Variants in ARID2 observed in about 807,000 individuals in gnomAD.
The protein encoded by ARID2 is AT-rich interaction domain 2.
A neutral mutation model predicts 184.6 loss-of-function variants in ARID2; 32 were observed. That is an observed-to-expected ratio of 0.17 (90% CI 0.13 to 0.23). The LOEUF is 0.23. Ranked by LOEUF, ARID2 falls within the 10% of genes least tolerant of loss-of-function variation. The pLI is 1.00. For missense variants in ARID2, 1,696 were observed against 2,197.6 expected (o/e 0.77, Z 4.56); for synonymous variants, 836 against 772.6 (o/e 1.08, Z -1.36).
At chr12:45,749,260 C>T (rs991872538) in intron 3 of ARID2, among the ~76,000 whole-genome samples, 1 of 152,186 alleles carries the variant, frequency 6.6e-6, no homozygotes, top group African/African-American at 2.4e-5. Flanking sequence ...CTCCATCAGA[C>T]CTCTTGGGTG....
rs564151075 is a variant in ARID2, at chr12:45,753,878, G to A, written c.284+22564G>A. 5.0e-4 allele frequency among the ~76,000 whole-genome samples: 76 copies of A among 152,236 alleles called. No homozygotes were observed. The Middle Eastern group carries it at 0.017, about 34-fold the overall frequency. ...CAAAGTGCTGGAATTATAGGCATGA[G>A]CCCCCATAACAACAACTTGCTTACC... On this transcript the variant is annotated intron_variant, in intron 3 of 20. Transcript: ENST00000334344.
At chr12:45,758,617 C>T (rs947138116) in intron 3 of ARID2, among the ~76,000 whole-genome samples, 1 of 152,134 alleles carries the variant, frequency 6.6e-6, no homozygotes, top group East Asian at 1.9e-4. Context: ...ATATAACAGT[C>T]CAAACATAAA....
At chr12:45,735,860 A>G (rs369616956) in intron 3 of ARID2, among the ~76,000 whole-genome samples, 2 of 152,332 alleles carry the variant, frequency 1.3e-5, no homozygotes, top group African/African-American at 2.4e-5. Flanking sequence ...TGAGGTTACA[A>G]ATTTTCCTGA....
In ARID2 at chr12:45,817,526, TTA is replaced by T. The variant is rs1942823946; in HGVS notation, c.419-140_419-139del. The T allele has an allele frequency of 2.2e-5, 5 of 231,788 alleles. No individual in the cohort carries two copies. The Admixed American group carries it at 2.3e-4, about 11-fold the overall frequency. The allele number at this position is 231,788 out of a possible 1,614,324, so 14.4% of individuals were successfully genotyped here. On this transcript the variant is annotated intron_variant, in intron 4 of 20. Coordinates refer to ENST00000334344, the MANE Select transcript of ARID2 (RefSeq NM_152641.4). ...TGAACGTTTTGAACCTCTAATCAGT[TTA>T]TATTTTATATATATATATATTTATA... is the stretch of plus-strand genomic sequence containing the variant.
In ARID2 at chr12:45,796,246, A is replaced by AT. The variant is rs903024680; in HGVS notation, c.285-15165dup. 3.9e-5 allele frequency among the ~76,000 whole-genome samples: 6 copies of AT among 151,920 alleles called. No individual in the cohort carries two copies. In the East Asian group the frequency reaches 7.7e-4, roughly 20 times the overall value. Reference sequence around the variant, plus strand: ...TATTTAAATAGAATCATACTGTATGATTTTTTTCTAATTTTTACATAGTAT... The same window carrying AT: ...TATTTAAATAGAATCATACTGTATGATTTTTTTTCTAATTTTTACATAGTAT... On this transcript the variant is annotated intron_variant, in intron 3 of 20. Transcript: ENST00000334344.
At chr12:45,793,812 G>A (rs970750482) in intron 3 of ARID2, among the ~76,000 whole-genome samples, 1 of 148,054 alleles carries the variant, frequency 6.8e-6, no homozygotes, top group African/African-American at 2.5e-5. Context: ...TTTTAGTGCA[G>A]GTCTGCTGGT....
intron 3 of ARID2, among the ~76,000 whole-genome samples, chr12:45,747,264 C>A (rs1176326258): frequency 1.3e-5 from 2 of 151,888 alleles, no homozygotes; most frequent in Admixed American, 1.3e-4. Flanking sequence ...TTTGTAATAA[C>A]GTGTGTGTTG....
At chr12:45,816,378 A>G (rs1287610680) in intron 4 of ARID2, among the ~76,000 whole-genome samples, 1 of 152,236 alleles carries the variant, frequency 6.6e-6, no homozygotes, top group East Asian at 1.9e-4. Context: ...TGTGCAAAGC[A>G]AATATGAAAC....
Position 45,905,175 on chromosome 12 carries a change from T to A in ARID2, c.*97T>A. ...CCAAGTCTTAATGGAACAAAGACCA[T>A]AGAATGAATTATTTTATCTCCTCCC... On this transcript the variant is annotated 3_prime_UTR_variant, in exon 21 of 21. Transcript: ENST00000334344. 8.0e-7 allele frequency: 1 copy of A among 1,247,654 alleles called. No individual in the cohort carries two copies. The highest frequency in any genetic ancestry group is 1.1e-6 in the Non-Finnish European group (1 of 924,652). The allele number at this position is 1,247,654 out of a possible 1,614,324, so 77.3% of individuals were successfully genotyped here. A position where few individuals can be genotyped will look rare whatever the true frequency, so the allele number is the denominator to read the frequency against.
At chr12:45,894,220 A>G (rs1402838357) in intron 20 of ARID2, among the ~76,000 whole-genome samples, 3 of 152,180 alleles carry the variant, frequency 2.0e-5, no homozygotes, top group African/African-American at 7.2e-5. Context: ...AGAAACTAGG[A>G]GGGATAACTC....
chr12:45,882,982 ATT>A (rs1565637407), intron 16 of ARID2, among the ~76,000 whole-genome samples: 1 of 152,172 alleles, frequency 6.6e-6, no homozygotes, highest in African/African-American at 2.4e-5. Context: ...TGCATTTTCA[ATT>A]GTCAGGATAA....
rs764538596 is a variant in ARID2 at position 45,850,886 on chromosome 12, A to G, written c.2763A>G (p.Pro921=). 1 of 1,614,178 alleles carries G rather than the reference A, an allele frequency of 6.2e-7. No homozygotes were observed. ...VQQPIQQPQQ[P]TQQSVVIVSQ... ...AGCCTATTCAACAACCACAGCAGCCAACCCAACAAAGCGTAGTGATTGTAA... is the reference window on the plus strand; with the variant it reads ...AGCCTATTCAACAACCACAGCAGCCGACCCAACAAAGCGTAGTGATTGTAA... The change falls in exon 15 of 21, where the codon CCA becomes CCG. Residue 921 remains proline, a synonymous_variant. Coordinates refer to ENST00000334344, the MANE Select transcript of ARID2 (RefSeq NM_152641.4).
At chr12:45,856,439 T>C (rs1466526880) in intron 15 of ARID2, among the ~76,000 whole-genome samples, 1 of 152,220 alleles carries the variant, frequency 6.6e-6, no homozygotes, top group Non-Finnish European at 1.5e-5. Flanking sequence ...CTATTTGAAT[T>C]GGTAGCTTAA....
chr12:45,802,904 A>G (rs963483599), intron 3 of ARID2, among the ~76,000 whole-genome samples: 3 of 152,120 alleles, frequency 2.0e-5, no homozygotes, highest in African/African-American at 7.2e-5. Context: ...ATGACATAAT[A>G]AATGATTTTC....
intron 6 of ARID2, among the ~76,000 whole-genome samples, chr12:45,831,147 T>C (rs1485532454): frequency 1.3e-5 from 2 of 152,172 alleles, no homozygotes; most frequent in Non-Finnish European, 2.9e-5. Flanking sequence ...TTTTCATATA[T>C]CTTTCTATTG....
At chr12:45,815,599 T>TTG (rs376716014) in intron 4 of ARID2, among the ~76,000 whole-genome samples, 17,711 of 149,786 alleles carry the variant, frequency 0.12, 2,688 homozygotes, top group African/African-American at 0.36. Flanking sequence ...CTTAAAGAGA[T>TTG]TGTGTGTGTG....
rs1025528898 is a variant in ARID2 at position 45,906,883 on chromosome 12, T to C, written c.*1805T>C. On this transcript the variant is annotated 3_prime_UTR_variant, in exon 21 of 21. Transcript: ENST00000334344. ...TTTGATGTTGTGTTTCTTGACTGTT[T>C]ATTCAGAATCACAGTGTATCCAAAT... 1.3e-5 allele frequency: 3 copies of C among 232,186 alleles called. No individual in the cohort carries two copies. Among genetic ancestry groups the C allele is most frequent in the Admixed American group, 5.6e-5 (1 of 17,750 alleles). 14.4% of individuals were successfully genotyped at this position (232,186 alleles called of 1,614,324 possible). A position where few individuals can be genotyped will look rare whatever the true frequency, so the allele number is the denominator to read the frequency against.
chr12:45,736,374 A>G (rs991137966), intron 3 of ARID2, among the ~76,000 whole-genome samples: 1 of 151,808 alleles, frequency 6.6e-6, no homozygotes, highest in African/African-American at 2.4e-5. Context: ...AAAAAAAAGT[A>G]TATTGCTACT....
chr12:45,841,390 C>T (rs1055033897), intron 11 of ARID2: 1 of 152,030 alleles, frequency 6.6e-6, no homozygotes, highest in African/African-American at 2.4e-5. Flanking sequence ...GACTAGACTG[C>T]TCAGGATTGA....
Sources: allele counts gnomAD v4.1 joint callset (sites outside exome capture counted in the v4.1 genomes callset), GRCh38; gene constraint gnomAD v4.1.1; transcripts MANE v1.5; gene names NCBI Gene and HGNC (gene_info 2026-07-23, HGNC 2026-07-21).